RAB3IP: variants seen among roughly 807,000 people sequenced by gnomAD.
RAB3IP encodes rab-3A-interacting protein.
A neutral mutation model predicts 59.1 loss-of-function variants in RAB3IP; 36 were observed. The ratio of observed to expected loss-of-function variants is 0.61; its 90% confidence interval spans 0.47 to 0.80. The LOEUF is 0.80. RAB3IP is among the 30% of genes least tolerant of loss of function. RAB3IP has a pLI of 0.00. For missense variants in RAB3IP, 511 were observed against 536.0 expected, an observed-to-expected ratio of 0.95 and a Z score of 0.46; for synonymous variants, 207 against 191.2, an observed-to-expected ratio of 1.08 and a Z score of -0.68.
chr12:69,812,939 A>G lies in RAB3IP; in HGVS notation c.1231-25A>G, dbSNP rs1282182179. On this transcript the variant is annotated intron_variant, in intron 9 of 10. Coordinates refer to ENST00000247833, the MANE Select transcript of RAB3IP (RefSeq NM_022456.5). The stretch of plus-strand genomic sequence containing the variant: ...TTTGATATGGGACATTTGACCATTC[A>G]TGACATTTTCTCCATTTGGCCTAGA... 7 of 1,609,888 alleles carry G rather than the reference A, an allele frequency of 4.3e-6. No individual in the cohort carries two copies. The African/African-American group carries it at 9.3e-5, about 21-fold the overall frequency.
chr12:69,783,832 C>T (rs1297405957), intron 3 of RAB3IP, among the ~76,000 whole-genome samples: 1 of 152,172 alleles, frequency 6.6e-6, no homozygotes, highest in Admixed American at 6.5e-5. Flanking sequence ...TATCCACATT[C>T]TCTTAGTATT....
At chr12:69,739,737 C>T in intron 1 of RAB3IP, 1 of 1,098,180 alleles carries the variant, frequency 9.1e-7, no homozygotes, top group Non-Finnish European at 1.4e-6. Flanking sequence ...ATGGCTCTGC[C>T]CTCCCAGCGT....
At chr12:69,812,578 A>G in intron 8 of RAB3IP, 200 bp from the exon 9 acceptor site, 2 of 523,378 alleles carry the variant, frequency 3.8e-6, no homozygotes, top group Admixed American at 3.6e-5. Flanking sequence ...CATTAAACTT[A>G]TACTACTAAT....
intron 1 of RAB3IP, chr12:69,740,010 C>A: frequency 1.4e-6 from 1 of 738,884 alleles, no homozygotes; most frequent in Non-Finnish European, 2.3e-6. Flanking sequence ...CGTTCAGTGT[C>A]GGGTTAAAAG....
At chr12:69,782,090 A>G (rs1435095604) in intron 3 of RAB3IP, among the ~76,000 whole-genome samples, 1 of 152,184 alleles carries the variant, frequency 6.6e-6, no homozygotes, top group East Asian at 1.9e-4. Flanking sequence ...TTACCACCAC[A>G]GTTACAACAC....
In RAB3IP at chr12:69,801,688, T is replaced by G. The variant is rs1189183172; in HGVS notation, c.1097T>G (p.Val366Gly). 1 of 1,612,856 alleles carries G rather than the reference T, an allele frequency of 6.2e-7. No individual in the cohort carries two copies. The highest frequency in any genetic ancestry group is 1.3e-5 in the African/African-American group (1 of 74,968). Residue 366 changes from valine to glycine, a missense_variant, in exon 8 of 11, where the codon GTG (valine) becomes GGG (glycine). Coordinates refer to ENST00000247833, the MANE Select transcript of RAB3IP (RefSeq NM_022456.5). ...GTGGGATTACAACCTATCCGGTTTG[T>G]GAAAGCTTCTGCAGTTGAATGCGGA... ...EPVGLQPIRFVKASAVECGGP... is the reference protein window; with the variant it reads ...EPVGLQPIRFGKASAVECGGP...
chr12:69,809,703 G>A (rs1880091995), intron 8 of RAB3IP, among the ~76,000 whole-genome samples: 1 of 152,098 alleles, frequency 6.6e-6, no homozygotes, highest in Non-Finnish European at 1.5e-5. Flanking sequence ...GGTTACTGAG[G>A]CTTGTGCATT....
intron 8 of RAB3IP, among the ~76,000 whole-genome samples, chr12:69,808,231 T>C (rs564325665): frequency 1.6e-3 from 239 of 152,346 alleles, no homozygotes; most frequent in African/African-American, 4.9e-3. Flanking sequence ...TGAGTTCTAG[T>C]TTGATTGCAC....
intron 4 of RAB3IP, among the ~76,000 whole-genome samples, chr12:69,785,442 CTGTTA>C (rs961795134): frequency 6.6e-6 from 1 of 152,128 alleles, no homozygotes; most frequent in African/African-American, 2.4e-5. Flanking sequence ...TTGGCTCTTG[CTGTTA>C]TGGAGGCTGG....
At position 69,804,449 on chromosome 12, in the gene RAB3IP, T is replaced by G. The variant is rs570251814; in HGVS notation, c.1130+2728T>G. Among the ~76,000 whole-genome samples, 16 of 152,330 alleles carry G rather than the reference T, an allele frequency of 1.1e-4. No homozygotes were observed. In the South Asian group the frequency reaches 3.1e-3, roughly 30 times the overall value. On this transcript the variant is annotated intron_variant, in intron 8 of 10. Coordinates refer to ENST00000247833, the MANE Select transcript of RAB3IP (RefSeq NM_022456.5). The stretch of plus-strand genomic sequence containing the variant: ...ATTTTCTCCCATTCTGTAGGTTGCC[T>G]GTTCACTCTGATGGTGGTTTCTTTT...
Position 69,808,785 on chromosome 12 carries a change from A to C in RAB3IP, c.1131-3993A>C, listed in dbSNP as rs11177871. On this transcript the variant is annotated intron_variant, in intron 8 of 10. Transcript: ENST00000247833. ...TCCTCCATCCCTTTATTTTGAGCCT[A>C]TGTGTGTTTCTGCACATGAGATGGG... Among the ~76,000 whole-genome samples the C allele has an allele frequency of 1.9e-3, 288 of 152,186 alleles. 1 individual carries two copies. Among genetic ancestry groups the C allele is most frequent in the South Asian group, 0.011 (51 of 4,814 alleles).
rs566038900 is a variant in RAB3IP at position 69,822,574 on chromosome 12, G to A, written c.*7128G>A. ...AGGATAAAGGGGTTGGGTAATGGGT[G>A]TAAAAATCTATAGAAGGAATATGAT... On this transcript the variant is annotated 3_prime_UTR_variant, in exon 11 of 11. Coordinates refer to ENST00000247833, the MANE Select transcript of RAB3IP (RefSeq NM_022456.5). 6.6e-6 allele frequency: 1 copy of A among 152,208 alleles called. No individual in the cohort carries two copies. Among genetic ancestry groups the A allele is most frequent in the Admixed American group, 6.5e-5 (1 of 15,284 alleles). The allele number at this position is 152,208 out of a possible 1,614,324, so 9.4% of individuals were successfully genotyped here. A position where few individuals can be genotyped will look rare whatever the true frequency, so the allele number is the denominator to read the frequency against.
chr12:69,755,272 TA>T, intron 1 of RAB3IP, 111 bp from the exon 2 acceptor site: 1 of 990,906 alleles, frequency 1.0e-6, no homozygotes, highest in Non-Finnish European at 1.5e-6. Flanking sequence ...TCTTTTATTG[TA>T]AGCTTATAAT....
At chr12:69,754,344 C>G (rs903603899) in intron 1 of RAB3IP, among the ~76,000 whole-genome samples, 2 of 75,020 alleles carry the variant, frequency 2.7e-5, no homozygotes, top group African/African-American at 7.2e-5. Context: ...GATACACGGG[C>G]ACACACACAC....
chr12:69,754,785 A>G (rs1869924521), intron 1 of RAB3IP, among the ~76,000 whole-genome samples: 2 of 152,100 alleles, frequency 1.3e-5, no homozygotes, highest in African/African-American at 4.8e-5. Context: ...GTTTCACAGC[A>G]TAATATAATT....
At chr12:69,791,760 C>A (rs1472869611) in intron 4 of RAB3IP, among the ~76,000 whole-genome samples, 3 of 152,158 alleles carry the variant, frequency 2.0e-5, no homozygotes, top group African/African-American at 2.4e-5. Context: ...ATGGAAGTTT[C>A]TGCTCAAAAA....
intron 6 of RAB3IP, 138 bp from the exon 7 acceptor site, chr12:69,800,071 C>G (rs755133296): frequency 1.7e-5 from 9 of 540,634 alleles, no homozygotes; most frequent in Non-Finnish European, 2.6e-5. Flanking sequence ...GGTATTGAAC[C>G]ACCAAGAGTG....
chr12:69,768,380 C>T (rs185890521), intron 3 of RAB3IP, among the ~76,000 whole-genome samples: 465 of 152,280 alleles, frequency 3.1e-3, no homozygotes, highest in Non-Finnish European at 4.9e-3. Flanking sequence ...CAATCTATGT[C>T]CATGACGGGT....
chr12:69,793,734 T>C (rs766516662), intron 4 of RAB3IP, among the ~76,000 whole-genome samples: 12 of 152,206 alleles, frequency 7.9e-5, no homozygotes, highest in African/African-American at 2.7e-4. Flanking sequence ...GAATGTAAGC[T>C]CCTTAAGAGC....
Sources: gnomAD v4.1 joint callset for allele counts (sites outside exome capture counted in the v4.1 genomes callset) on GRCh38, gnomAD v4.1.1 for gene constraint, MANE v1.5 for transcripts, NCBI Gene and HGNC (gene_info 2026-07-23, HGNC 2026-07-21) for gene names.